WTAP: variants seen among roughly 807,000 people sequenced by gnomAD.
WTAP encodes WT1 associated protein.
Under a neutral mutation model 50.0 loss-of-function variants are expected in WTAP, and 8 were observed. That is an observed-to-expected ratio of 0.16 (90% CI 0.09 to 0.29). The LOEUF is 0.29. Ranked by LOEUF, WTAP falls within the 10% of genes least tolerant of loss-of-function variation. The pLI, the probability that WTAP is intolerant of heterozygous loss-of-function variation, is 1.00. For missense variants in WTAP, 295 were observed against 470.7 expected (o/e 0.63, Z 3.45); for synonymous variants, 194 against 169.0 (o/e 1.15, Z -1.15).
At chr6:159,728,600 A>G (rs1392102430) in intron 1 of WTAP, among the ~76,000 whole-genome samples, 1 of 152,182 alleles carries the variant, frequency 6.6e-6, no homozygotes, top group Non-Finnish European at 1.5e-5. Context: ...TAAAATTTTG[A>G]CCATTAAGTT....
chr6:159,728,411 TA>T (rs1466122466), intron 1 of WTAP, among the ~76,000 whole-genome samples: 1 of 142,484 alleles, frequency 7.0e-6, no homozygotes, highest in African/African-American at 2.8e-5. Flanking sequence ...TGTGATTATG[TA>T]AAAAAAACAA....
Position 159,755,097 on chromosome 6 carries a change from A to T in WTAP, c.677A>T (p.Gln226Leu). 6.2e-7 allele frequency: 1 copy of T among 1,614,216 alleles called. No homozygotes were observed. The highest frequency in any genetic ancestry group is 8.5e-7 in the Non-Finnish European group (1 of 1,180,034). ...EGMQSTILVLQQQLKETRQQL... is the reference protein window; with the variant it reads ...EGMQSTILVLLQQLKETRQQL... ...ATGCAGAGTACCATTCTAGTTCTGC[A>T]GCAGCAGCTGAAGGAGACACGCCAG... The change falls in exon 8 of 8, where the codon CAG becomes CTG. Residue 226 changes from glutamine to leucine, a missense_variant. Transcript: ENST00000621533.
intron 5 of WTAP, among the ~76,000 whole-genome samples, chr6:159,746,308 T>C (rs1482199004): frequency 1.3e-5 from 2 of 152,140 alleles, no homozygotes; most frequent in African/African-American, 2.4e-5. Flanking sequence ...AAGCGAATGG[T>C]TGAAAGGATT....
At chr6:159,726,717 C>T (rs999436369), upstream of WTAP, 1 of 1,247,164 alleles carries the variant, frequency 8.0e-7, no homozygotes, top group Non-Finnish European at 1.0e-6. Flanking sequence ...CACAGCGCAA[C>T]CTCCGACGCC....
At chr6:159,742,246 C>T (rs780201614) in intron 4 of WTAP, 100 bp downstream of exon 4, 6 of 1,053,290 alleles carry the variant, frequency 5.7e-6, no homozygotes, top group Middle Eastern at 3.1e-4. Context: ...TAATTTTTCT[C>T]GTGTTTTATT....
intron 5 of WTAP, among the ~76,000 whole-genome samples, chr6:159,746,990 G>A (rs1779614481): frequency 6.6e-6 from 1 of 152,124 alleles, no homozygotes; most frequent in African/African-American, 2.4e-5. Flanking sequence ...TTCTCGCTCT[G>A]TTATCTTAGC....
At chr6:159,727,385 G>T, upstream of WTAP, 1 of 1,209,310 alleles carries the variant, frequency 8.3e-7, no homozygotes, top group South Asian at 1.4e-5. Context: ...GGCGGGAGGC[G>T]GGAGGCGGGA....
At chr6:159,735,477 G>C (rs1221930590) in intron 1 of WTAP, among the ~76,000 whole-genome samples, 1 of 152,190 alleles carries the variant, frequency 6.6e-6, no homozygotes, top group East Asian at 1.9e-4. Flanking sequence ...TAGGATGGGC[G>C]TGGTGGTTCA....
chr6:159,727,635 G>A lies in WTAP; in HGVS notation c.-77G>A, dbSNP rs1370060544. 1.0e-6 allele frequency: 1 copy of A among 986,026 alleles called. No homozygotes were observed. The highest frequency in any genetic ancestry group is 6.2e-5 in the Admixed American group (1 of 16,198). The allele number at this position is 986,026 out of a possible 1,614,324, so 61.1% of individuals were successfully genotyped here. A position where few individuals can be genotyped will look rare whatever the true frequency, so the allele number is the denominator to read the frequency against. ...CTGCGCGGTGGCCCGGGGGGCCCGGGCGGCAGGGCAAGCAGCGCGGCCTCG... is the reference window on the plus strand; with the variant it reads ...CTGCGCGGTGGCCCGGGGGGCCCGGACGGCAGGGCAAGCAGCGCGGCCTCG... On this transcript the variant is annotated 5_prime_UTR_variant, in exon 1 of 8. Transcript: ENST00000621533.
chr6:159,748,586 T>C lies in WTAP; in HGVS notation c.452+217T>C, dbSNP rs904991659. The C allele has an allele frequency of 7.3e-7, 1 of 1,363,138 alleles. No individual in the cohort carries two copies. Among genetic ancestry groups the C allele is most frequent in the Non-Finnish European group, 9.4e-7 (1 of 1,059,272 alleles). The allele number at this position is 1,363,138 out of a possible 1,614,324, so 84.4% of individuals were successfully genotyped here. The stretch of plus-strand genomic sequence containing the variant: ...TTTTTCTTTTCCCCTTCCCCTTGCT[T>C]CAGAGGCCTGATGGCGTCGGACTAT... On this transcript the variant is annotated intron_variant, in intron 6 of 7. Coordinates refer to ENST00000621533, the MANE Select transcript of WTAP (RefSeq NM_001270531.2). The surrounding 1 kb of genome is among the most constrained non-coding windows in gnomAD (Gnocchi z 5.6).
Position 159,727,577 on chromosome 6 carries a change from G to C in WTAP, c.-135G>C, listed in dbSNP as rs1425854476. On this transcript the variant is annotated 5_prime_UTR_variant, in exon 1 of 8. Transcript: ENST00000621533. ...AGCGCAGGGGTTGCGGCGGGACTAG[G>C]AGCGCGGCGGGGCCGGCGGCAGAGC... 2 of 987,170 alleles carry C rather than the reference G, an allele frequency of 2.0e-6. No individual in the cohort carries two copies. The highest frequency in any genetic ancestry group is 2.4e-6 in the Non-Finnish European group (2 of 831,620). 61.2% of individuals were successfully genotyped at this position (987,170 alleles called of 1,614,324 possible). A position where few individuals can be genotyped will look rare whatever the true frequency, so the allele number is the denominator to read the frequency against.
intron 1 of WTAP, among the ~76,000 whole-genome samples, chr6:159,730,279 T>G (rs1778486814): frequency 6.6e-6 from 1 of 152,216 alleles, no homozygotes; most frequent in South Asian, 2.1e-4. Context: ...CATATTTTCT[T>G]TATTATTTTC....
chr6:159,745,769 A>G (rs1342012364), intron 5 of WTAP, among the ~76,000 whole-genome samples: 1 of 152,216 alleles, frequency 6.6e-6, no homozygotes, highest in Non-Finnish European at 1.5e-5. Flanking sequence ...TGAGAGGAAC[A>G]GGACTTTAAG....
rs1779995362 is a variant in WTAP at position 159,755,836 on chromosome 6, TTGAA to T, written c.*228_*231del. 2.8e-6 allele frequency: 2 copies of T among 718,186 alleles called. No individual in the cohort carries two copies. The highest frequency in any genetic ancestry group is 7.5e-5 in the East Asian group (2 of 26,656). 44.5% of individuals were successfully genotyped at this position (718,186 alleles called of 1,614,324 possible). On this transcript the variant is annotated 3_prime_UTR_variant, in exon 8 of 8. Transcript: ENST00000621533. ...TTGGAAATTGTAACAGTTAATTACT[TTGAA>T]TGTTGCTAAAAGGACATTTTGTGTA...
intron 1 of WTAP, among the ~76,000 whole-genome samples, chr6:159,734,841 G>A (rs1233998240): frequency 1.3e-5 from 2 of 151,946 alleles, no homozygotes; most frequent in East Asian, 1.9e-4. Context: ...TCTTCATGTC[G>A]TATACTTTTT....
intron 7 of WTAP, among the ~76,000 whole-genome samples, chr6:159,754,661 A>G (rs1779938466): frequency 6.6e-6 from 1 of 152,194 alleles, no homozygotes; most frequent in South Asian, 2.1e-4. Context: ...TACCTAATAC[A>G]ATATAAATGC....
At chr6:159,743,611 G>GT (rs1779391341) in intron 4 of WTAP, 54 bp from the exon 5 acceptor site, 1 of 1,501,116 alleles carries the variant, frequency 6.7e-7, no homozygotes, top group Admixed American at 2.0e-5. Context: ...CTTGACAGAG[G>GT]TATTTAGAAC....
chr6:159,737,829 T>TAA (rs1779014351), intron 2 of WTAP, among the ~76,000 whole-genome samples: 2 of 152,250 alleles, frequency 1.3e-5, no homozygotes, highest in African/African-American at 2.4e-5. Flanking sequence ...ATCTCACCTT[T>TAA]ACAGCCTTTA....
intron 7 of WTAP, among the ~76,000 whole-genome samples, chr6:159,753,858 G>A (rs1042663225): frequency 6.6e-5 from 10 of 152,072 alleles, no homozygotes; most frequent in African/African-American, 1.4e-4. Context: ...TTTTTAGTTG[G>A]GGGTAGGATT....
Sources: allele counts gnomAD v4.1 joint callset (sites outside exome capture counted in the v4.1 genomes callset), GRCh38; gene constraint gnomAD v4.1.1; non-coding constraint Gnocchi (gnomAD v3.1); transcripts MANE v1.5; gene names NCBI Gene and HGNC (gene_info 2026-07-23, HGNC 2026-07-21).